Variants in TNFSF4 observed in about 807,000 individuals in gnomAD.
TNFSF4 encodes tumor necrosis factor ligand superfamily member 4.
A neutral mutation model predicts 7.3 loss-of-function variants in TNFSF4; 4 were observed. The observed-to-expected ratio is 0.55, with a 90% CI of 0.27 to 1.25. The LOEUF is 1.25. TNFSF4 is among the 50% of genes most tolerant of loss of function. The pLI, the probability that TNFSF4 is intolerant of heterozygous loss-of-function variation, is 0.12. For missense variants in TNFSF4, 181 were observed against 208.8 expected, an observed-to-expected ratio of 0.87 and a Z score of 0.82; for synonymous variants, 76 against 83.7, an observed-to-expected ratio of 0.91 and a Z score of 0.50.
chr1:173,422,326 GA>G, the TNFSF4 span, among the ~76,000 whole-genome samples: 175 of 89,042 alleles, frequency 2.0e-3, no homozygotes, highest in South Asian at 6.1e-3. Context: ...TGCCCAGAGT[GA>G]AAAAAAAAAA....
chr1:173,343,368 T>C, the TNFSF4 span, among the ~76,000 whole-genome samples: 19 of 152,110 alleles, frequency 1.2e-4, no homozygotes, highest in African/African-American at 4.1e-4. Context: ...GAGTTTGCCA[T>C]GCAGATATCT....
At chr1:173,240,250 G>T in the TNFSF4 span, among the ~76,000 whole-genome samples, 3 of 152,120 alleles carry the variant, frequency 2.0e-5, no homozygotes, top group African/African-American at 7.2e-5. Context: ...TATCAGTCAA[G>T]GTAGGGCCTC....
the TNFSF4 span, among the ~76,000 whole-genome samples, chr1:173,324,166 G>A: frequency 3.3e-5 from 5 of 152,136 alleles, 1 homozygote; most frequent in African/African-American, 2.4e-5. Context: ...CGGATCTCTC[G>A]GCAGAAACCC....
At chr1:173,259,223 G>C in the TNFSF4 span, among the ~76,000 whole-genome samples, 1 of 151,634 alleles carries the variant, frequency 6.6e-6, no homozygotes, top group Non-Finnish European at 1.5e-5. Context: ...AATAGGGTCT[G>C]GAGTGGACCC....
At chr1:173,220,285 C>A in the TNFSF4 span, among the ~76,000 whole-genome samples, 5 of 152,208 alleles carry the variant, frequency 3.3e-5, no homozygotes, top group African/African-American at 1.2e-4. Flanking sequence ...ACTCAAGGAG[C>A]AGTTAAAAGA....
chr1:173,230,009 C>T, the TNFSF4 span, among the ~76,000 whole-genome samples: 59 of 152,162 alleles, frequency 3.9e-4, 2 homozygotes, highest in Admixed American at 7.2e-4. Context: ...CCACTGTCAA[C>T]ATTAGACAGG....
At chr1:173,224,460 G>T in the TNFSF4 span, among the ~76,000 whole-genome samples, 4 of 152,114 alleles carry the variant, frequency 2.6e-5, no homozygotes. Context: ...ATTTTTTTAT[G>T]CCTCATGCTA....
At chr1:173,342,107 G>A in the TNFSF4 span, among the ~76,000 whole-genome samples, 1 of 152,150 alleles carries the variant, frequency 6.6e-6, no homozygotes, top group African/African-American at 2.4e-5. Context: ...AAGGGGGGAG[G>A]GGACTTGTAT....
the TNFSF4 span, among the ~76,000 whole-genome samples, chr1:173,353,922 G>A: frequency 1.1e-4 from 16 of 151,404 alleles, no homozygotes; most frequent in Non-Finnish European, 1.9e-4. Flanking sequence ...TAATTCTAAA[G>A]AACTAGAAAA....
the TNFSF4 span, chr1:173,363,125 AT>A: frequency 3.0e-6 from 1 of 337,902 alleles, no homozygotes. Flanking sequence ...CAACTCTTAC[AT>A]TTTTCTTTCT....
At chr1:173,235,898 C>T in the TNFSF4 span, among the ~76,000 whole-genome samples, 8 of 152,150 alleles carry the variant, frequency 5.3e-5, no homozygotes, top group Non-Finnish European at 8.8e-5. Context: ...TACTAACCCT[C>T]CATATTTCCT....
chr1:173,233,875 A>C, the TNFSF4 span, among the ~76,000 whole-genome samples: 3 of 152,216 alleles, frequency 2.0e-5, no homozygotes, highest in African/African-American at 7.2e-5. Flanking sequence ...ACCATTCAGG[A>C]CATAGGCATG....
chr1:173,316,115 G>C, the TNFSF4 span, among the ~76,000 whole-genome samples: 2 of 152,204 alleles, frequency 1.3e-5, no homozygotes, highest in Admixed American at 6.5e-5. Context: ...TCAATATCCA[G>C]TTTACTCAAC....
chr1:173,252,641 GAAC>G, the TNFSF4 span, among the ~76,000 whole-genome samples: 1 of 152,078 alleles, frequency 6.6e-6, no homozygotes, highest in Non-Finnish European at 1.5e-5. Context: ...TACAATTAGG[GAAC>G]AACTGTTCCC....
the TNFSF4 span, among the ~76,000 whole-genome samples, chr1:173,253,795 T>C: frequency 6.6e-6 from 1 of 152,008 alleles, no homozygotes; most frequent in South Asian, 2.1e-4. Flanking sequence ...GTGAGATGAG[T>C]TTTTTTCTAT....
the TNFSF4 span, among the ~76,000 whole-genome samples, chr1:173,238,993 G>A: frequency 6.6e-6 from 1 of 152,178 alleles, no homozygotes; most frequent in East Asian, 1.9e-4. Flanking sequence ...TGTGTATGAT[G>A]TTCTGTCACT....
intron 1 of TNFSF4, among the ~76,000 whole-genome samples, chr1:173,200,557 T>C (rs1649900602): frequency 6.6e-6 from 1 of 152,246 alleles, no homozygotes; most frequent in Admixed American, 6.5e-5. Context: ...TAATTCAAAA[T>C]ATGTTTTACA....
chr1:173,311,194 C>G, the TNFSF4 span, among the ~76,000 whole-genome samples: 1 of 151,542 alleles, frequency 6.6e-6, no homozygotes, highest in African/African-American at 2.4e-5. Flanking sequence ...CCTTTTTTGC[C>G]ATCATTTGGA....
the TNFSF4 span, among the ~76,000 whole-genome samples, chr1:173,414,129 A>G: frequency 6.6e-6 from 1 of 152,164 alleles, no homozygotes; most frequent in Admixed American, 6.5e-5. Context: ...CTGCCATCAC[A>G]AAGTACCACA....
Sources: gnomAD v4.1 joint callset for allele counts (sites outside exome capture counted in the v4.1 genomes callset) on GRCh38, gnomAD v4.1.1 for gene constraint, MANE v1.5 for transcripts, NCBI Gene and HGNC (gene_info 2026-07-23, HGNC 2026-07-21) for gene names.